CYTH3: variants seen among roughly 807,000 people sequenced by gnomAD.
CYTH3 encodes cytohesin-3.
CYTH3 carries 23 observed loss-of-function variants against 55.1 expected under a neutral mutation model. The ratio of observed to expected loss-of-function variants is 0.42; its 90% CI spans 0.30 to 0.59. CYTH3 has a LOEUF of 0.59. CYTH3 is among the 20% of genes least tolerant of loss of function. The probability of loss-of-function intolerance (pLI) is 0.20; values close to 1 mark genes in which losing one functional copy is unlikely to be tolerated. For synonymous variants in CYTH3, 249 were observed against 194.9 expected (o/e 1.28, Z -2.31); for missense variants, 413 against 524.8 (o/e 0.79, Z 2.08).
intron 1 of CYTH3, among the ~76,000 whole-genome samples, chr7:6,192,859 C>CA (rs1783834700): frequency 6.6e-6 from 1 of 151,784 alleles, no homozygotes; most frequent in South Asian, 2.1e-4. Context: ...AAAGACATAA[C>CA]AACTCCGTGC....
Position 6,173,059 on chromosome 7 carries a change from G to C in CYTH3, c.449+594C>G, listed in dbSNP as rs10230837. On this transcript the variant is annotated intron_variant, in intron 6 of 12. Transcript: ENST00000350796. Reference sequence around the variant, plus strand: ...CCAGAAGCCCTGCCTCCTCTCCCCCGGATGCTGCTGAGTGCTGGCTCAGGG... The same window carrying C: ...CCAGAAGCCCTGCCTCCTCTCCCCCCGATGCTGCTGAGTGCTGGCTCAGGG... The C allele has an allele frequency of 2.6e-3, 2,745 of 1,072,828 alleles. 52 individuals are homozygous for C. The African/African-American group carries it at 0.04, about 16-fold the overall frequency. The allele number at this position is 1,072,828 out of a possible 1,614,324, so 66.5% of individuals were successfully genotyped here.
chr7:6,253,131 C>T lies in CYTH3; in HGVS notation c.34+19343G>A, dbSNP rs532659729. On this transcript the variant is annotated intron_variant, in intron 1 of 12. Coordinates refer to ENST00000350796, the MANE Select transcript of CYTH3 (RefSeq NM_004227.4). ...GAAACTGAAGCACTTATCAATTCTG[C>T]TTACACATGCAATCTAGTCTATAGG... is the stretch of plus-strand genomic sequence containing the variant. 7.2e-5 allele frequency among the ~76,000 whole-genome samples: 11 copies of T among 152,102 alleles called. No individual in the cohort carries two copies. In the South Asian group the frequency reaches 2.3e-3, roughly 32 times the overall value.
intron 1 of CYTH3, among the ~76,000 whole-genome samples, chr7:6,265,194 A>C (rs1292609672): frequency 3.3e-5 from 5 of 152,096 alleles, no homozygotes; most frequent in African/African-American, 1.2e-4. Context: ...GTAGTAGTCA[A>C]GGGCAGTCCC....
intron 1 of CYTH3, among the ~76,000 whole-genome samples, chr7:6,236,877 C>G (rs978965020): frequency 6.6e-6 from 1 of 152,140 alleles, no homozygotes; most frequent in African/African-American, 2.4e-5. Flanking sequence ...CTCCATTTTT[C>G]TGACAGTGTA....
intron 1 of CYTH3, among the ~76,000 whole-genome samples, chr7:6,228,778 G>T (rs550158781): frequency 7.2e-5 from 11 of 152,246 alleles, no homozygotes; most frequent in African/African-American, 2.6e-4. Context: ...TTTTAAGAAT[G>T]TAAAAATCCG....
intron 1 of CYTH3, among the ~76,000 whole-genome samples, chr7:6,261,716 G>C (rs1267746651): frequency 1.6e-5 from 2 of 125,052 alleles, no homozygotes; most frequent in African/African-American, 5.9e-5. Flanking sequence ...AAAAAAAAAA[G>C]GGCAAAGTGA....
chr7:6,250,753 T>C (rs1779941407), intron 1 of CYTH3, among the ~76,000 whole-genome samples: 1 of 152,222 alleles, frequency 6.6e-6, no homozygotes, highest in African/African-American at 2.4e-5. Flanking sequence ...TAGATAGTGC[T>C]GATGGTCGCA....
rs571167209 is a variant in CYTH3, at chr7:6,223,138, C to T, written c.35-32607G>A. Among the ~76,000 whole-genome samples, 8 of 152,258 alleles carry T rather than the reference C, an allele frequency of 5.3e-5. No individual in the cohort carries two copies. The South Asian group carries it at 6.2e-4, about 12-fold the overall frequency. On this transcript the variant is annotated intron_variant, in intron 1 of 12. Transcript: ENST00000350796. ...TGCCCTTCGTCTGGGAGGCGAGGAG[C>T]GCCTCTGCCCGGCCGCCCCGTCTGG...
intron 1 of CYTH3, among the ~76,000 whole-genome samples, chr7:6,199,071 T>G (rs1029259602): frequency 1.3e-5 from 2 of 152,202 alleles, no homozygotes; most frequent in African/African-American, 4.8e-5. Context: ...AAAAACAATG[T>G]GGAAAGAAGG....
At chr7:6,206,858 A>G (rs895891563) in intron 1 of CYTH3, among the ~76,000 whole-genome samples, 1 of 152,148 alleles carries the variant, frequency 6.6e-6, no homozygotes, top group African/African-American at 2.4e-5. Context: ...AGCATCAAGT[A>G]AAGGTCAAAT....
chr7:6,210,533 G>A (rs1278206912), intron 1 of CYTH3, among the ~76,000 whole-genome samples: 1 of 152,112 alleles, frequency 6.6e-6, no homozygotes, highest in Admixed American at 6.5e-5. Context: ...CAAAATCTTT[G>A]GCCTTGAGAA....
intron 1 of CYTH3, among the ~76,000 whole-genome samples, chr7:6,250,523 G>A (rs1779934407): frequency 1.3e-5 from 2 of 152,132 alleles, no homozygotes; most frequent in African/African-American, 4.8e-5. Flanking sequence ...GAATCGAGCT[G>A]CAACACGGAT....
intron 1 of CYTH3, among the ~76,000 whole-genome samples, chr7:6,259,434 C>A (rs1032227706): frequency 2.6e-5 from 4 of 151,844 alleles, no homozygotes; most frequent in African/African-American, 7.3e-5. Context: ...TAAATTTACT[C>A]GAGGAAAGTA....
At chr7:6,229,799 A>T (rs1779343682) in intron 1 of CYTH3, among the ~76,000 whole-genome samples, 1 of 151,516 alleles carries the variant, frequency 6.6e-6, no homozygotes, top group Non-Finnish European at 1.5e-5. Flanking sequence ...CCTGGGCAAC[A>T]GAAAGAGACC....
chr7:6,241,171 T>C (rs1779663500), intron 1 of CYTH3, among the ~76,000 whole-genome samples: 1 of 151,776 alleles, frequency 6.6e-6, no homozygotes, highest in African/African-American at 2.4e-5. Context: ...CATGATCTTC[T>C]GCACGACAAA....
intron 4 of CYTH3, among the ~76,000 whole-genome samples, chr7:6,179,858 CCA>C (rs964007899): frequency 1.2e-4 from 15 of 121,250 alleles, no homozygotes; most frequent in Admixed American, 7.1e-4. Flanking sequence ...CACAGACACA[CCA>C]CACACACCCA....
At chr7:6,208,897 G>T (rs868689990) in intron 1 of CYTH3, among the ~76,000 whole-genome samples, 4 of 152,192 alleles carry the variant, frequency 2.6e-5, no homozygotes, top group Middle Eastern at 3.2e-3. Context: ...ACACTTGGAG[G>T]TAATTGTCTA....
chr7:6,190,194 C>A (rs1400572225), intron 2 of CYTH3, among the ~76,000 whole-genome samples: 1 of 152,206 alleles, frequency 6.6e-6, no homozygotes, highest in Non-Finnish European at 1.5e-5. Context: ...CTGCTGACCT[C>A]AGTTCTACGA....
intron 1 of CYTH3, among the ~76,000 whole-genome samples, chr7:6,247,376 T>C (rs1378463407): frequency 6.6e-6 from 1 of 152,206 alleles, no homozygotes; most frequent in Non-Finnish European, 1.5e-5. Flanking sequence ...TTCCCACTAA[T>C]TTTATCTAAG....
Sources: gnomAD v4.1 joint callset for allele counts (sites outside exome capture counted in the v4.1 genomes callset) on GRCh38, gnomAD v4.1.1 for gene constraint, MANE v1.5 for transcripts, NCBI Gene and HGNC (gene_info 2026-07-23, HGNC 2026-07-21) for gene names.